RO60: variants seen among roughly 807,000 people sequenced by gnomAD.
RO60 encodes the protein Ro60, Y RNA binding protein.
In RO60, 20 loss-of-function variants were observed where a neutral mutation model predicts 55.3. That is an observed-to-expected ratio of 0.36 (90% CI 0.25 to 0.53). RO60 has a LOEUF of 0.53. Among genes scored for constraint, RO60 ranks in the 20% least tolerant of loss-of-function variants. The probability of loss-of-function intolerance (pLI) is 0.92; values close to 1 mark genes in which losing one functional copy is unlikely to be tolerated. For synonymous variants in RO60, 213 were observed against 213.6 expected (o/e 1.00, Z 0.02); for missense variants, 558 against 646.6 (o/e 0.86, Z 1.49).
chr1:193,069,547 G>T lies in RO60; in HGVS notation c.493G>T (p.Ala165Ser), dbSNP rs1321582134. The T allele has an allele frequency of 1.2e-6, 2 of 1,614,190 alleles. No individual in the cohort carries two copies. The highest frequency in any genetic ancestry group is 1.7e-5 in the Admixed American group (1 of 60,022). The change falls in exon 2 of 9, where the codon GCT (alanine) becomes TCT (serine). Residue 165 changes from alanine to serine, a missense_variant. Transcript: ENST00000400968. ...CAATGAGAAAGGTGGCATGGCCCTT[G>T]CTCTGGCAGTTACAAAATATAAACA... is the stretch of plus-strand genomic sequence containing the variant. ...WYNEKGGMAL[A>S]LAVTKYKQRN...
intron 2 of RO60, among the ~76,000 whole-genome samples, chr1:193,073,272 G>C (rs751823330): frequency 6.6e-6 from 1 of 152,180 alleles, no homozygotes; most frequent in African/African-American, 2.4e-5. Context: ...CACAATACTT[G>C]AGAAGTTCCT....
chr1:193,088,161 GCTT>G lies in RO60; in HGVS notation c.*3431_*3433del, dbSNP rs1310849195. 6.4e-5 allele frequency: 6 copies of G among 93,828 alleles called. No homozygotes were observed. The highest frequency in any genetic ancestry group is 1.1e-4 in the African/African-American group (2 of 17,526). The allele number at this position is 93,828 out of a possible 1,614,324, so 5.8% of individuals were successfully genotyped here. ...TGGTGTGCACTGCACTACCACGCCT[GCTT>G]TTTTTTTTTTTTTTTTTTTTTTTTT... On this transcript the variant is annotated 3_prime_UTR_variant, in exon 9 of 9. Coordinates refer to ENST00000400968, the MANE Select transcript of RO60 (RefSeq NM_001173524.2).
In RO60 at chr1:193,085,272, T is replaced by G. The variant is rs575087669; in HGVS notation, c.*541T>G. On this transcript the variant is annotated 3_prime_UTR_variant, in exon 9 of 9. Transcript: ENST00000400968. ...TATGAATGAGTTTTACAAATTCCTT[T>G]CAGAGTTTTACTAAGATCACACAAA... 1 of 1,108,066 alleles carries G rather than the reference T, an allele frequency of 9.0e-7. No homozygotes were observed. The highest frequency in any genetic ancestry group is 5.0e-5 in the East Asian group (1 of 20,046). 68.6% of individuals were successfully genotyped at this position (1,108,066 alleles called of 1,614,324 possible).
chr1:193,084,628 G>C lies in RO60; in HGVS notation c.1514G>C (p.Gly505Ala). 6.2e-7 allele frequency: 1 copy of C among 1,613,808 alleles called. No individual in the cohort carries two copies. The highest frequency in any genetic ancestry group is 8.5e-7 in the Non-Finnish European group (1 of 1,179,896). ...KLIVCGMTSN[G>A]FTIADPDDRG... Reference sequence around the variant, plus strand: ...ATTGTTTGTGGAATGACATCAAATGGTTTCACCATTGCAGACCCAGATGAT... The same window carrying C: ...ATTGTTTGTGGAATGACATCAAATGCTTTCACCATTGCAGACCCAGATGAT... Residue 505 changes from glycine to alanine, a missense_variant, in exon 9 of 9, where the codon GGT (glycine) becomes GCT (alanine). Gly to Ala is a moderately conservative substitution (Grantham distance 60). Transcript: ENST00000400968.
At chr1:193,070,526 G>A in intron 2 of RO60, 1 of 412,464 alleles carries the variant, frequency 2.4e-6, no homozygotes, top group Non-Finnish European at 4.9e-6. Context: ...TTCAAAATTT[G>A]ACTTTTTTTT....
downstream of RO60, chr1:193,091,665 C>G (rs185859238): frequency 1.2e-6 from 2 of 1,611,894 alleles, 1 homozygote; most frequent in Admixed American, 3.4e-5. Context: ...GCAAAATACC[C>G]TACTAAATAA....
chr1:193,085,405 A>G lies in RO60; in HGVS notation c.*674A>G, dbSNP rs953790675. 2.0e-6 allele frequency: 2 copies of G among 986,968 alleles called. No homozygotes were observed. The highest frequency in any genetic ancestry group is 1.1e-4 in the East Asian group (1 of 8,928). 61.1% of individuals were successfully genotyped at this position (986,968 alleles called of 1,614,324 possible). ...AAACATCATGGCAACCCCTAAGAAT[A>G]GACTAAGTTTGTGTTGGCTGAGGGA... On this transcript the variant is annotated 3_prime_UTR_variant, in exon 9 of 9. Coordinates refer to ENST00000400968, the MANE Select transcript of RO60 (RefSeq NM_001173524.2).
chr1:193,091,370 A>G (rs1674850779), downstream of RO60: 2 of 295,894 alleles, frequency 6.8e-6, no homozygotes, highest in East Asian at 1.4e-4. Context: ...TAAAACTTTA[A>G]ATTGTCAAGC....
chr1:193,080,071 C>T (rs1035086434), intron 5 of RO60, among the ~76,000 whole-genome samples: 1 of 151,174 alleles, frequency 6.6e-6, no homozygotes, highest in Non-Finnish European at 1.5e-5. Context: ...GTGGAGGTTA[C>T]AGTGAGCTGA....
chr1:193,068,612 T>C (rs7552203), intron 1 of RO60, among the ~76,000 whole-genome samples: 135,807 of 152,228 alleles, frequency 0.89, 60,876 homozygotes, highest in East Asian at 1. Context: ...GGCCTCAAGA[T>C]GCCATACTGA....
rs1243630721 is a variant in RO60 at position 193,088,674 on chromosome 1, G to A, written c.*3943G>A. 3 of 151,996 alleles carry A rather than the reference G, an allele frequency of 2.0e-5. No homozygotes were observed. Among genetic ancestry groups the A allele is most frequent in the Admixed American group, 6.6e-5 (1 of 15,252 alleles). 9.4% of individuals were successfully genotyped at this position (151,996 alleles called of 1,614,324 possible). A position where few individuals can be genotyped will look rare whatever the true frequency, so the allele number is the denominator to read the frequency against. ...CTAGTCTTATATACTGCAGGTTTGG[G>A]GTGATTGTTAAGGCACTATCCCCTC... On this transcript the variant is annotated 3_prime_UTR_variant, in exon 9 of 9. Transcript: ENST00000400968.
chr1:193,067,820 C>T (rs1197649937), intron 1 of RO60, among the ~76,000 whole-genome samples: 5 of 152,068 alleles, frequency 3.3e-5, no homozygotes, highest in African/African-American at 1.2e-4. Context: ...TGACATAAAA[C>T]CGTAAACCTA....
chr1:193,081,787 T>G (rs1339038972), intron 6 of RO60, among the ~76,000 whole-genome samples: 1 of 152,114 alleles, frequency 6.6e-6, no homozygotes, highest in African/African-American at 2.4e-5. Flanking sequence ...TTTTAAAAAT[T>G]TATTTTAAAA....
chr1:193,079,081 C>CTTTTTTTTTTT, intron 5 of RO60, among the ~76,000 whole-genome samples: 1 of 85,934 alleles, frequency 1.2e-5, no homozygotes, highest in Non-Finnish European at 2.2e-5. Context: ...GTTCAGTTGA[C>CTTTTTTTTTTT]TTTTTTTTTT....
At chr1:193,083,545 T>A (rs1404450812) in intron 8 of RO60, among the ~76,000 whole-genome samples, 1 of 152,174 alleles carries the variant, frequency 6.6e-6, no homozygotes, top group Non-Finnish European at 1.5e-5. Context: ...AACTTGTTGA[T>A]GAAGAGTAGT....
At position 193,087,964 on chromosome 1, in the gene RO60, T is replaced by A. The variant is rs1437547850; in HGVS notation, c.*3233T>A. On this transcript the variant is annotated 3_prime_UTR_variant, in exon 9 of 9. Transcript: ENST00000400968. Reference sequence around the variant, plus strand: ...GGGAGAAAAAATATACTCCAAGATCTTCTTGGACAGACCTAGAAAAACAAG... The same window carrying A: ...GGGAGAAAAAATATACTCCAAGATCATCTTGGACAGACCTAGAAAAACAAG... The A allele has an allele frequency of 6.6e-6, 1 of 152,090 alleles. No individual in the cohort carries two copies. Among genetic ancestry groups the A allele is most frequent in the Non-Finnish European group, 1.5e-5 (1 of 68,026 alleles). 9.4% of individuals were successfully genotyped at this position (152,090 alleles called of 1,614,324 possible).
chr1:193,059,618 TC>T lies in RO60; in HGVS notation c.-177del. 7.1e-7 allele frequency: 1 copy of T among 1,416,758 alleles called. No homozygotes were observed. The highest frequency in any genetic ancestry group is 9.5e-7 in the Non-Finnish European group (1 of 1,056,288). 87.8% of individuals were successfully genotyped at this position (1,416,758 alleles called of 1,614,324 possible). A position where few individuals can be genotyped will look rare whatever the true frequency, so the allele number is the denominator to read the frequency against. ...GCAAAAGAAGAGGGGCAGGACTCGTTCCCGGGAACCGAACCTGGAATCCCCG... is the reference window on the plus strand; with the variant it reads ...GCAAAAGAAGAGGGGCAGGACTCGTTCCGGGAACCGAACCTGGAATCCCCG... On this transcript the variant is annotated 5_prime_UTR_variant, in exon 1 of 9. Coordinates refer to ENST00000400968, the MANE Select transcript of RO60 (RefSeq NM_001173524.2). The surrounding 1 kb of genome is among the most constrained non-coding windows in gnomAD (Gnocchi z 4.9).
At chr1:193,084,527 T>G (rs1215773794) in intron 8 of RO60, 52 bp from the exon 9 acceptor site, 1 of 1,530,322 alleles carries the variant, frequency 6.5e-7, no homozygotes, top group Non-Finnish European at 8.8e-7. Flanking sequence ...GGAGGTATTT[T>G]GCATTTCCTT....
At position 193,075,855 on chromosome 1, in the gene RO60, T is replaced by C. The variant is rs1376864909; in HGVS notation, c.616T>C (p.Trp206Arg). 6.2e-7 allele frequency: 1 copy of C among 1,611,178 alleles called. No individual in the cohort carries two copies. The highest frequency in any genetic ancestry group is 8.5e-7 in the Non-Finnish European group (1 of 1,178,954). The part of the protein sequence containing the change: ...AIVTKYITKG[W>R]KEVHELYKEK... ...TGTGACCAAATATATTACAAAGGGC[T>C]GGAAAGAAGTTCATGAATTGTATAA... The change falls in exon 3 of 9, where the codon TGG becomes CGG. Residue 206 changes from tryptophan to arginine, a missense_variant. By Grantham distance (101) the Trp-to-Arg change is moderately radical. Transcript: ENST00000400968.
Sources: gnomAD v4.1 joint callset for allele counts (sites outside exome capture counted in the v4.1 genomes callset) on GRCh38, gnomAD v4.1.1 for gene constraint, Gnocchi (gnomAD v3.1) non-coding constraint, MANE v1.5 for transcripts, NCBI Gene and HGNC (gene_info 2026-07-23, HGNC 2026-07-21) for gene names.